The following GRM7 variants were observed in gnomAD, a reference collection of about 807,000 sequenced individuals.
GRM7 encodes metabotropic glutamate receptor 7.
GRM7 carries 35 observed loss-of-function variants against 84.5 expected under a neutral mutation model. The observed-to-expected ratio is 0.41, with a 90% CI of 0.32 to 0.55. GRM7 has a LOEUF of 0.55. Among genes scored for constraint, GRM7 ranks in the 20% least tolerant of loss-of-function variants. GRM7 has a pLI of 0.19. For missense variants in GRM7, 1,003 were observed against 1,194.6 expected (o/e 0.84, Z 2.36); for synonymous variants, 487 against 455.1 (o/e 1.07, Z -0.89).
At position 7,019,941 on chromosome 3, in the gene GRM7, C is replaced by G. The variant is rs575278424; in HGVS notation, c.520-126511C>G. On this transcript the variant is annotated intron_variant, in intron 1 of 9. Coordinates refer to ENST00000357716, the MANE Select transcript of GRM7 (RefSeq NM_000844.4). ...AAAGACACCGGAAAAGATTTTGTTT[C>G]TATCACTGGCTGAAGTCCGCAAAGG... Among the ~76,000 whole-genome samples, 18 of 152,322 alleles carry G rather than the reference C, an allele frequency of 1.2e-4. No homozygotes were observed. The South Asian group carries it at 3.3e-3, about 28-fold the overall frequency.
At position 7,652,170 on chromosome 3, in the gene GRM7, G is replaced by GT. The variant is rs1216899313; in HGVS notation, c.2452-27877dup. 1.1e-4 allele frequency among the ~76,000 whole-genome samples: 16 copies of GT among 152,170 alleles called. 1 individual carries two copies. The highest frequency in any genetic ancestry group is 9.2e-4 in the Admixed American group (14 of 15,280). On this transcript the variant is annotated intron_variant, in intron 8 of 9. Coordinates refer to ENST00000357716, the MANE Select transcript of GRM7 (RefSeq NM_000844.4). ...ATATTTTATCCAGAATGACTATGAA[G>GT]TTAGTCTTCCAAACTGGTACATGTT...
intron 4 of GRM7, among the ~76,000 whole-genome samples, chr3:7,410,107 G>A (rs1438897833): frequency 6.6e-6 from 1 of 152,064 alleles, no homozygotes; most frequent in South Asian, 2.1e-4. Flanking sequence ...AAAGGCAGTC[G>A]GGTGGTGAGG....
intron 1 of GRM7, among the ~76,000 whole-genome samples, chr3:6,937,637 C>G (rs1203280310): frequency 1.3e-5 from 2 of 152,150 alleles, no homozygotes; most frequent in African/African-American, 2.4e-5. Context: ...TGAAAGTGGT[C>G]ATCTTAATTC....
rs574917994 is a variant in GRM7, at chr3:7,385,289, A to ATTTT, written c.1034-29708_1034-29705dup. 2.3e-3 allele frequency among the ~76,000 whole-genome samples: 156 copies of ATTTT among 67,280 alleles called. 8 individuals carry two copies. The highest frequency in any genetic ancestry group is 0.013 in the South Asian group (18 of 1,438). 44.1% of individuals were successfully genotyped at this position (67,280 alleles called of 152,430 possible). A position where few individuals can be genotyped will look rare whatever the true frequency, so the allele number is the denominator to read the frequency against. On this transcript the variant is annotated intron_variant, in intron 4 of 9. Coordinates refer to ENST00000357716, the MANE Select transcript of GRM7 (RefSeq NM_000844.4). Reference sequence around the variant, plus strand: ...TTTGTGGAATCTTATTTCTATATGGATTTTTTTTTTTTTTTTTTTTTTTTT... The same window carrying ATTTT: ...TTTGTGGAATCTTATTTCTATATGGATTTTTTTTTTTTTTTTTTTTTTTTTTTTT...
chr3:7,290,834 C>T (rs572183950), intron 2 of GRM7, among the ~76,000 whole-genome samples: 1 of 152,120 alleles, frequency 6.6e-6, no homozygotes, highest in East Asian at 1.9e-4. Flanking sequence ...CTCTCTCTCC[C>T]TTGGCAATCT....
intron 3 of GRM7, among the ~76,000 whole-genome samples, chr3:7,299,989 TTATA>T (rs970653883): frequency 1.3e-5 from 2 of 151,210 alleles, no homozygotes; most frequent in African/African-American, 4.8e-5. Flanking sequence ...AATATACTTT[TTATA>T]TATATTATAA....
At chr3:7,680,426 T>C in intron 9 of GRM7, 131 bp downstream of exon 9, 2 of 808,710 alleles carry the variant, frequency 2.5e-6, no homozygotes, top group Non-Finnish European at 4.0e-6. Context: ...CCTTGGTGAA[T>C]GCCAGCTTCT....
chr3:7,528,309 A>G (rs73132469), intron 7 of GRM7, among the ~76,000 whole-genome samples: 98 of 152,114 alleles, frequency 6.4e-4, no homozygotes, highest in African/African-American at 2.3e-3. Context: ...GTTTGTGTTT[A>G]TAAAGGTGTT....
chr3:7,550,577 C>CTGTGTG (rs369817211), intron 7 of GRM7, among the ~76,000 whole-genome samples: 127 of 53,006 alleles, frequency 2.4e-3, no homozygotes, highest in South Asian at 3.5e-3. Context: ...CTCTCTCTCT[C>CTGTGTG]TGTGTGTGTG....
intron 4 of GRM7, among the ~76,000 whole-genome samples, chr3:7,316,672 A>G (rs1488023427): frequency 6.6e-6 from 1 of 152,170 alleles, no homozygotes; most frequent in Admixed American, 6.5e-5. Flanking sequence ...TTTTAAGGGA[A>G]CAAACAGCAA....
At chr3:7,632,747 T>A (rs1697912398) in intron 8 of GRM7, among the ~76,000 whole-genome samples, 1 of 152,236 alleles carries the variant, frequency 6.6e-6, no homozygotes, top group Non-Finnish European at 1.5e-5. Flanking sequence ...ATATCACATT[T>A]CACTTCCTAT....
At chr3:7,475,130 C>T (rs1698869773) in intron 7 of GRM7, among the ~76,000 whole-genome samples, 1 of 152,142 alleles carries the variant, frequency 6.6e-6, no homozygotes, top group African/African-American at 2.4e-5. Flanking sequence ...AAGCTTTGAA[C>T]AAGGAAGACA....
At chr3:7,360,493 C>T (rs1693613633) in intron 4 of GRM7, among the ~76,000 whole-genome samples, 1 of 152,010 alleles carries the variant, frequency 6.6e-6, no homozygotes, top group East Asian at 1.9e-4. Context: ...CCCCAAGGTT[C>T]TATAAAACGG....
chr3:7,316,161 G>A (rs9825070), intron 4 of GRM7, among the ~76,000 whole-genome samples: 8,336 of 152,156 alleles, frequency 0.055, 712 homozygotes, highest in African/African-American at 0.18. Flanking sequence ...ACAGAAACTG[G>A]TGAGCCGGAG....
intron 4 of GRM7, among the ~76,000 whole-genome samples, chr3:7,382,360 T>A (rs1694625386): frequency 6.6e-6 from 1 of 152,154 alleles, no homozygotes; most frequent in South Asian, 2.1e-4. Context: ...TCTTGTTACT[T>A]TTTCTTCTTT....
chr3:7,377,485 C>A (rs1042157466), intron 4 of GRM7, among the ~76,000 whole-genome samples: 1 of 152,204 alleles, frequency 6.6e-6, no homozygotes, highest in African/African-American at 2.4e-5. Context: ...TACGGGATAT[C>A]AGTGATGAGA....
At chr3:7,514,209 C>T (rs1174669266) in intron 7 of GRM7, among the ~76,000 whole-genome samples, 1 of 152,134 alleles carries the variant, frequency 6.6e-6, no homozygotes, top group Non-Finnish European at 1.5e-5. Flanking sequence ...TGTAACACAT[C>T]CTATACAAAA....
At chr3:7,328,039 G>A (rs1701052941) in intron 4 of GRM7, among the ~76,000 whole-genome samples, 1 of 152,146 alleles carries the variant, frequency 6.6e-6, no homozygotes, top group Admixed American at 6.5e-5. Context: ...GCCAGAAATT[G>A]AACACAGGGC....
At chr3:7,305,274 T>A (rs1700148172) in intron 3 of GRM7, among the ~76,000 whole-genome samples, 1 of 151,976 alleles carries the variant, frequency 6.6e-6, no homozygotes, top group African/African-American at 2.4e-5. Flanking sequence ...CCATCTCTTA[T>A]CCACCTTTTA....
Sources: allele counts gnomAD v4.1 joint callset (sites outside exome capture counted in the v4.1 genomes callset), GRCh38; gene constraint gnomAD v4.1.1; transcripts MANE v1.5; gene names NCBI Gene and HGNC (gene_info 2026-07-23, HGNC 2026-07-21).